Variants in SSH2 observed in about 807,000 individuals in gnomAD.
The protein encoded by SSH2 is slingshot protein phosphatase 2, also known as protein phosphatase Slingshot homolog 2.
In SSH2, 37 loss-of-function variants were observed where a neutral mutation model predicts 135.2. That is an observed-to-expected ratio of 0.27 (90% CI 0.21 to 0.36). The LOEUF (loss-of-function observed/expected upper bound fraction) is 0.36. SSH2 is among the 10% of genes least tolerant of loss of function. SSH2 has a pLI of 1.00. For missense variants in SSH2, 1,408 were observed against 1,765.3 expected (o/e 0.80, Z 3.63); for synonymous variants, 628 against 646.2 (o/e 0.97, Z 0.43).
intron 1 of SSH2, among the ~76,000 whole-genome samples, chr17:29,912,208 T>C (rs969873974): frequency 6.6e-6 from 1 of 152,214 alleles, no homozygotes; most frequent in Non-Finnish European, 1.5e-5. Flanking sequence ...CCATCTTTTA[T>C]GTGGAAAAAA....
intron 2 of SSH2, among the ~76,000 whole-genome samples, chr17:29,799,327 A>G (rs948938523): frequency 6.6e-6 from 1 of 152,238 alleles, no homozygotes; most frequent in African/African-American, 2.4e-5. Flanking sequence ...TAGAGTAAAT[A>G]AAGGTTCAAC....
At chr17:29,816,972 C>T (rs2042570039) in intron 2 of SSH2, among the ~76,000 whole-genome samples, 1 of 152,094 alleles carries the variant, frequency 6.6e-6, no homozygotes. Flanking sequence ...GAACTATTAA[C>T]CTTGACAACC....
intron 14 of SSH2, among the ~76,000 whole-genome samples, chr17:29,646,865 C>T (rs1179134133): frequency 6.6e-6 from 1 of 152,110 alleles, no homozygotes; most frequent in Non-Finnish European, 1.5e-5. Context: ...GAGTTATACA[C>T]ATCCGTATTC....
intron 3 of SSH2, among the ~76,000 whole-genome samples, chr17:29,705,406 A>C (rs1171940688): frequency 3.3e-5 from 5 of 152,088 alleles, no homozygotes; most frequent in Admixed American, 6.6e-5. Context: ...TTTCTTCTAC[A>C]TCCTCACCCA....
intron 5 of SSH2, among the ~76,000 whole-genome samples, chr17:29,685,208 G>A (rs2038163233): frequency 6.6e-6 from 1 of 152,154 alleles, no homozygotes; most frequent in Non-Finnish European, 1.5e-5. Context: ...AATGAAAGGA[G>A]ATTGCATTTT....
At chr17:29,671,862 G>T in intron 9 of SSH2, 73 bp downstream of exon 9, 1 of 1,287,556 alleles carries the variant, frequency 7.8e-7, no homozygotes. Flanking sequence ...AAAGATTAGG[G>T]AGGAACATGC....
intron 1 of SSH2, among the ~76,000 whole-genome samples, chr17:29,850,029 CA>C (rs970117948): frequency 5.5e-3 from 209 of 37,678 alleles, no homozygotes; most frequent in Admixed American, 0.022. Flanking sequence ...GACTCCATCT[CA>C]AAAAAAAAAA....
At chr17:29,762,993 A>G (rs1356771324) in intron 3 of SSH2, among the ~76,000 whole-genome samples, 2 of 152,254 alleles carry the variant, frequency 1.3e-5, no homozygotes, top group Non-Finnish European at 1.5e-5. Flanking sequence ...TCAACATGCT[A>G]TAATCAAGAA....
In SSH2 at chr17:29,632,067, G is replaced by A. The variant is rs779843039; in HGVS notation, c.3127C>T (p.His1043Tyr). The A allele has an allele frequency of 3.7e-6, 6 of 1,614,196 alleles. No homozygotes were observed. The Admixed American group carries it at 8.3e-5, about 22-fold the overall frequency. The stretch of plus-strand genomic sequence containing the variant: ...GTGTGATTGGGTGATGTAACTATGT[G>A]GGTATATTCAATGATTTCTACCCTC... ...PKRVEIIEYT[H>Y]IVTSPNHTGP... Residue 1043 changes from histidine (H) to tyrosine (Y), a missense_variant, in exon 16 of 16, where the codon CAC (histidine) becomes TAC (tyrosine). Coordinates refer to ENST00000540801, the MANE Select transcript of SSH2 (RefSeq NM_001282129.2).
At chr17:29,670,658 C>A (rs1300956194) in intron 9 of SSH2, among the ~76,000 whole-genome samples, 1 of 152,132 alleles carries the variant, frequency 6.6e-6, no homozygotes, top group Admixed American at 6.6e-5. Context: ...CCTGTAATCC[C>A]AGCTACTCGG....
At chr17:29,760,269 G>C (rs183105775) in intron 3 of SSH2, among the ~76,000 whole-genome samples, 1 of 152,300 alleles carries the variant, frequency 6.6e-6, no homozygotes, top group African/African-American at 2.4e-5. Flanking sequence ...CTTTGCTTAA[G>C]TGCAAAGAGT....
chr17:29,631,899 G>A lies in SSH2; in HGVS notation c.3295C>T (p.His1099Tyr). 2 of 1,614,228 alleles carry A rather than the reference G, an allele frequency of 1.2e-6. No individual in the cohort carries two copies. The highest frequency in any genetic ancestry group is 2.2e-5 in the East Asian group (1 of 44,886). The change falls in exon 16 of 16, where the codon CAC becomes TAC. Residue 1099 changes from histidine to tyrosine, a missense_variant. Physicochemically the swap from His to Tyr is moderately conservative, Grantham distance 83. Coordinates refer to ENST00000540801, the MANE Select transcript of SSH2 (RefSeq NM_001282129.2). ...TGAGGCAGAGGTAGCACTTGGGGGT[G>A]CAGAGAAACCTGGTTGGGGTCCAGA... is the stretch of plus-strand genomic sequence containing the variant. ...RTLDPNQVSLHPQVLPLPHSS... is the reference protein window; with the variant it reads ...RTLDPNQVSLYPQVLPLPHSS...
At chr17:29,906,131 A>T (rs1287823495) in intron 1 of SSH2, among the ~76,000 whole-genome samples, 2 of 152,008 alleles carry the variant, frequency 1.3e-5, no homozygotes, top group African/African-American at 4.8e-5. Flanking sequence ...ACCTCATTCT[A>T]CCTCATTCTT....
chr17:29,733,910 CTTTT>C (rs200752788), intron 3 of SSH2, among the ~76,000 whole-genome samples: 5 of 130,476 alleles, frequency 3.8e-5, no homozygotes, highest in Non-Finnish European at 1.7e-5. Context: ...TAATTTCTTT[CTTTT>C]TTTTTTTTTT....
At chr17:29,677,316 G>T (rs542393314) in intron 7 of SSH2, among the ~76,000 whole-genome samples, 3 of 152,112 alleles carry the variant, frequency 2.0e-5, no homozygotes, top group African/African-American at 7.2e-5. Flanking sequence ...ACAGGAAAGG[G>T]GTTATACTGT....
At chr17:29,857,772 C>T (rs1295423787) in intron 1 of SSH2, among the ~76,000 whole-genome samples, 3 of 152,196 alleles carry the variant, frequency 2.0e-5, no homozygotes, top group South Asian at 2.1e-4. Flanking sequence ...CCATCACACC[C>T]GGCCCCATCT....
chr17:29,635,395 C>G (rs535137117), intron 15 of SSH2, among the ~76,000 whole-genome samples: 21 of 152,018 alleles, frequency 1.4e-4, no homozygotes, highest in African/African-American at 4.8e-4. Flanking sequence ...ATATTAACTG[C>G]GTATCTTTGG....
At chr17:29,669,228 C>T (rs1046978962) in intron 9 of SSH2, among the ~76,000 whole-genome samples, 3 of 150,556 alleles carry the variant, frequency 2.0e-5, no homozygotes, top group African/African-American at 7.4e-5. Context: ...CAGCCTGGGC[C>T]GACAACAGTG....
intron 7 of SSH2, among the ~76,000 whole-genome samples, chr17:29,677,316 G>C (rs542393314): frequency 6.6e-6 from 1 of 151,994 alleles, no homozygotes; most frequent in East Asian, 1.9e-4. Context: ...ACAGGAAAGG[G>C]GTTATACTGT....
Sources: allele counts gnomAD v4.1 joint callset (sites outside exome capture counted in the v4.1 genomes callset), GRCh38; gene constraint gnomAD v4.1.1; transcripts MANE v1.5; gene names NCBI Gene and HGNC (gene_info 2026-07-23, HGNC 2026-07-21).